SPDYE21: variants seen among roughly 807,000 people sequenced by gnomAD.
SPDYE21 encodes speedy protein E21.
Under a neutral mutation model 36.2 loss-of-function variants are expected in SPDYE21, and 14 were observed. That is an observed-to-expected ratio of 0.39 (90% CI 0.26 to 0.61). The LOEUF (loss-of-function observed/expected upper bound fraction) is 0.61. Ranked by LOEUF, SPDYE21 falls within the 20% of genes least tolerant of loss-of-function variation. SPDYE21 has a pLI of 0.55. For missense variants in SPDYE21, 233 were observed against 424.6 expected (o/e 0.55, Z 3.97); for synonymous variants, 58 against 155.1 (o/e 0.37, Z 4.65).
intron 6 of SPDYE21, among the ~76,000 whole-genome samples, chr7:67,285,759 T>C (rs938672319): frequency 6.6e-6 from 1 of 152,090 alleles, no homozygotes; most frequent in Non-Finnish European, 1.5e-5. Flanking sequence ...ACTCCTGGCC[T>C]CAAGTGATCC....
intron 2 of SPDYE21, among the ~76,000 whole-genome samples, chr7:67,279,525 G>A (rs1287871680): frequency 1.3e-5 from 2 of 152,006 alleles, no homozygotes; most frequent in Admixed American, 6.6e-5. Context: ...CTACACTCCA[G>A]CCTGGGTGAC....
chr7:67,285,327 C>G (rs940387863), intron 6 of SPDYE21, among the ~76,000 whole-genome samples: 6 of 151,748 alleles, frequency 4.0e-5, no homozygotes, highest in African/African-American at 1.2e-4. Flanking sequence ...GCGATCCTCC[C>G]ACCTCAGCTT....
rs575194728 is a variant in SPDYE21 at position 67,282,752 on chromosome 7, A to G, written c.669+59A>G. 750 of 1,072,186 alleles carry G rather than the reference A, an allele frequency of 7.0e-4. 17 individuals are homozygous for G. In the African/African-American group the frequency reaches 0.014, roughly 19 times the overall value. 66.4% of individuals were successfully genotyped at this position (1,072,186 alleles called of 1,614,324 possible). The stretch of plus-strand genomic sequence containing the variant: ...CAACACATGGCTGGGGGGAGGGCGC[A>G]GCTTCCAAACCCACAGTTCTCCCTC... On this transcript the variant is annotated intron_variant, in intron 5 of 8. Coordinates refer to ENST00000424157, the MANE Select transcript of SPDYE21 (RefSeq NM_001382715.2).
At position 67,287,710 on chromosome 7, in the gene SPDYE21, T is replaced by A. The variant is rs1802764882; in HGVS notation, c.*238T>A. Among the ~76,000 whole-genome samples, 1 of 146,586 alleles carries A rather than the reference T, an allele frequency of 6.8e-6. No homozygotes were observed. Among genetic ancestry groups the A allele is most frequent in the Non-Finnish European group, 1.5e-5 (1 of 66,324 alleles). On this transcript the variant is annotated 3_prime_UTR_variant, in exon 9 of 9. Transcript: ENST00000424157. The stretch of plus-strand genomic sequence containing the variant: ...GGTTGGGGGAGGGGGGTGGGGTCCT[T>A]CTAGGAGTCCTTGGAGAAAAGTAAG...
intron 6 of SPDYE21, among the ~76,000 whole-genome samples, chr7:67,285,451 C>T (rs903181757): frequency 6.6e-5 from 10 of 151,760 alleles, no homozygotes; most frequent in African/African-American, 2.2e-4. Context: ...AATGGAGTGG[C>T]CCAATCTCAA....
chr7:67,286,976 G>A (rs1802748511), intron 8 of SPDYE21, among the ~76,000 whole-genome samples: 1 of 152,150 alleles, frequency 6.6e-6, no homozygotes, highest in South Asian at 2.1e-4. Flanking sequence ...GTTTGGGGAG[G>A]TTCATTATGA....
chr7:67,287,320 G>C (rs949704125), intron 8 of SPDYE21, among the ~76,000 whole-genome samples, 198 bp from the exon 9 acceptor site: 1 of 152,204 alleles, frequency 6.6e-6, no homozygotes, highest in Non-Finnish European at 1.5e-5. Flanking sequence ...TATTAAGTGA[G>C]TTTTGGAGTC....
intron 6 of SPDYE21, among the ~76,000 whole-genome samples, chr7:67,284,538 T>C (rs1244644465): frequency 7.1e-6 from 1 of 141,706 alleles, no homozygotes; most frequent in African/African-American, 2.6e-5. Flanking sequence ...AAACCGCTCC[T>C]AAGGGGAAAA....
At position 67,280,882 on chromosome 7, in the gene SPDYE21, G is replaced by A. The variant is rs2116505713; in HGVS notation, c.380-492G>A. On this transcript the variant is annotated intron_variant, in intron 3 of 8. Coordinates refer to ENST00000424157, the MANE Select transcript of SPDYE21 (RefSeq NM_001382715.2). Reference sequence around the variant, plus strand: ...AGATCACTTGAGGCCAGGAGTTGGAGACCAGCCTGGCCAACATGGTGAAAC... The same window carrying A: ...AGATCACTTGAGGCCAGGAGTTGGAAACCAGCCTGGCCAACATGGTGAAAC... Among the ~76,000 whole-genome samples the A allele has an allele frequency of 2.8e-5, 4 of 142,528 alleles. No individual in the cohort carries two copies. In the South Asian group the frequency reaches 9.3e-4, roughly 33 times the overall value. 93.5% of individuals were successfully genotyped at this position (142,528 alleles called of 152,430 possible). A position where few individuals can be genotyped will look rare whatever the true frequency, so the allele number is the denominator to read the frequency against.
chr7:67,280,523 G>A (rs1802612850), intron 3 of SPDYE21, among the ~76,000 whole-genome samples: 2 of 150,886 alleles, frequency 1.3e-5, no homozygotes, highest in Non-Finnish European at 3.0e-5. Flanking sequence ...CCAATATAGC[G>A]AAACCTCATT....
chr7:67,282,334 G>A (rs1037630121), intron 4 of SPDYE21, among the ~76,000 whole-genome samples: 5 of 151,858 alleles, frequency 3.3e-5, no homozygotes, highest in South Asian at 2.1e-4. Context: ...GAAATGATGG[G>A]AATTCCTTTA....
At chr7:67,277,354 C>T (rs1222465652) in intron 1 of SPDYE21, among the ~76,000 whole-genome samples, 1 of 151,750 alleles carries the variant, frequency 6.6e-6, no homozygotes, top group Admixed American at 6.6e-5. Context: ...CCACTGAGCC[C>T]AGCCGGGAAC....
In SPDYE21 at chr7:67,287,623, AAGAACCTGGACCATTCTTGATGG is replaced by A; in HGVS notation, c.*154_*176del. Among the ~76,000 whole-genome samples, 1 of 146,752 alleles carries A rather than the reference AAGAACCTGGACCATTCTTGATGG, an allele frequency of 6.8e-6. No individual in the cohort carries two copies. The highest frequency in any genetic ancestry group is 2.5e-5 in the African/African-American group (1 of 39,442). On this transcript the variant is annotated 3_prime_UTR_variant, in exon 9 of 9. Coordinates refer to ENST00000424157, the MANE Select transcript of SPDYE21 (RefSeq NM_001382715.2). ...GGAACCATTTGTGCAGATCATCTAG[AAGAACCTGGACCATTCTTGATGG>A]AGCTGAATACAGTGATCACGTGTCC...
chr7:67,281,099 C>CAAAAAAA (rs3972832), intron 3 of SPDYE21, among the ~76,000 whole-genome samples: 41 of 43,756 alleles, frequency 9.4e-4, no homozygotes, highest in African/African-American at 3.4e-3. Flanking sequence ...ACAACAACAA[C>CAAAAAAA]AAAAAAAAAA....
At chr7:67,283,812 T>G in intron 5 of SPDYE21, 101 bp from the exon 6 acceptor site, 1 of 856,270 alleles carries the variant, frequency 1.2e-6, no homozygotes, top group Non-Finnish European at 2.0e-6. Context: ...AGGTCCCTTC[T>G]CTGATGGGCA....
intron 2 of SPDYE21, among the ~76,000 whole-genome samples, chr7:67,279,161 T>G: frequency 6.9e-6 from 1 of 145,228 alleles, no homozygotes; most frequent in Non-Finnish European, 1.5e-5. Context: ...TGCAGTGAGC[T>G]GAGATCACGC....
Position 67,278,751 on chromosome 7 carries a change from A to C in SPDYE21, c.38A>C (p.Gln13Pro). Residue 13 changes from glutamine (Q) to proline (P), a missense_variant, in exon 2 of 9, where the codon CAG (glutamine) becomes CCG (proline). Gln to Pro is a moderately conservative substitution (Grantham distance 76). Coordinates refer to ENST00000424157, the MANE Select transcript of SPDYE21 (RefSeq NM_001382715.2). ...GAGACTAGGTTCCGTAAGAGGGGAC[A>C]GATTACGGGAAAGATCACGACCAGC... ...RTETRFRKRG[Q>P]ITGKITTSRQ... Among the ~76,000 whole-genome samples, 1 of 151,602 alleles carries C rather than the reference A, an allele frequency of 6.6e-6. No homozygotes were observed. The highest frequency in any genetic ancestry group is 1.5e-5 in the Non-Finnish European group (1 of 67,956).
intron 3 of SPDYE21, among the ~76,000 whole-genome samples, chr7:67,280,726 A>G (rs1355179980): frequency 4.4e-5 from 6 of 136,378 alleles, no homozygotes; most frequent in Non-Finnish European, 7.9e-5. Context: ...AAAAAAAAAA[A>G]AAAGAAGGAA....
In SPDYE21 at chr7:67,278,651, TCTC is replaced by T. The variant is rs1457927280; in HGVS notation, c.-60_-58del. ...TCAGAGCTGTTCTCCACTCCTGACT[TCTC>T]CTAGGCTTGAGAATTGATAACATAC... On this transcript the variant is annotated 5_prime_UTR_variant, in exon 2 of 9. Transcript: ENST00000424157. Among the ~76,000 whole-genome samples the T allele has an allele frequency of 7.1e-6, 1 of 141,444 alleles. No individual in the cohort carries two copies. The highest frequency in any genetic ancestry group is 1.5e-5 in the Non-Finnish European group (1 of 65,136). The allele number at this position is 141,444 out of a possible 152,430, so 92.8% of individuals were successfully genotyped here.
Sources: gnomAD v4.1 joint callset for allele counts (sites outside exome capture counted in the v4.1 genomes callset) on GRCh38, gnomAD v4.1.1 for gene constraint, MANE v1.5 for transcripts, NCBI Gene and HGNC (gene_info 2026-07-23, HGNC 2026-07-21) for gene names.